The following MTUS2 variants were observed in gnomAD, a reference collection of about 807,000 sequenced individuals.
MTUS2 encodes microtubule associated scaffold protein 2.
Under a neutral mutation model 114.1 loss-of-function variants are expected in MTUS2, and 40 were observed. The ratio of observed to expected loss-of-function variants is 0.35; its 90% CI spans 0.27 to 0.46. The LOEUF is 0.46. Among genes scored for constraint, MTUS2 ranks in the 20% least tolerant of loss-of-function variants. The probability of loss-of-function intolerance (pLI) is 1.00; values close to 1 mark genes in which losing one functional copy is unlikely to be tolerated. For synonymous variants in MTUS2, 688 were observed against 672.0 expected (o/e 1.02, Z -0.37); for missense variants, 1,679 against 1,705.4 (o/e 0.98, Z 0.27).
At chr13:29,172,149 T>C (rs1893589861) in intron 5 of MTUS2, among the ~76,000 whole-genome samples, 1 of 152,232 alleles carries the variant, frequency 6.6e-6, no homozygotes. Flanking sequence ...TGTAGGAGTC[T>C]ATGTCTGGAA....
At chr13:28,873,414 T>A (rs58351038) in intron 2 of MTUS2, among the ~76,000 whole-genome samples, 9,700 of 152,246 alleles carry the variant, frequency 0.064, 1,012 homozygotes, top group African/African-American at 0.22. Flanking sequence ...CTAAGTCAAG[T>A]CCTCTTGTAA....
chr13:29,153,532 C>G (rs1247300091), intron 5 of MTUS2, among the ~76,000 whole-genome samples: 1 of 152,090 alleles, frequency 6.6e-6, no homozygotes, highest in Admixed American at 6.6e-5. Flanking sequence ...ATGATTCTTT[C>G]CCATTGTGTG....
At chr13:28,848,843 G>A (rs555794965) in intron 2 of MTUS2, among the ~76,000 whole-genome samples, 2 of 152,198 alleles carry the variant, frequency 1.3e-5, no homozygotes, top group South Asian at 4.2e-4. Context: ...CATAACTGGG[G>A]ACACTGTGCC....
At chr13:28,928,540 A>G (rs1881448919) in intron 2 of MTUS2, among the ~76,000 whole-genome samples, 1 of 152,212 alleles carries the variant, frequency 6.6e-6, no homozygotes, top group Non-Finnish European at 1.5e-5. Flanking sequence ...TGCAAATCGA[A>G]ACCCCAATGA....
chr13:29,504,122 T>A lies in MTUS2; in HGVS notation c.*916T>A. 4.3e-6 allele frequency: 1 copy of A among 231,796 alleles called. No individual in the cohort carries two copies. The allele number at this position is 231,796 out of a possible 1,614,324, so 14.4% of individuals were successfully genotyped here. On this transcript the variant is annotated 3_prime_UTR_variant, in exon 16 of 16. Transcript: ENST00000612955. ...GCAGAGCATGACCTTTGAGTAAGAG[T>A]GAGGATGACCTTGCAGATGACTGTG...
chr13:29,276,666 G>A (rs1255661368), intron 5 of MTUS2, among the ~76,000 whole-genome samples: 2 of 152,182 alleles, frequency 1.3e-5, no homozygotes, highest in Non-Finnish European at 2.9e-5. Flanking sequence ...GGGAGGCCGA[G>A]GTGGGTGGAT....
At chr13:29,094,309 TA>T (rs1296864458) in intron 4 of MTUS2, among the ~76,000 whole-genome samples, 1 of 151,024 alleles carries the variant, frequency 6.6e-6, no homozygotes, top group Non-Finnish European at 1.5e-5. Context: ...TAGAATTCAC[TA>T]ATGACATCTG....
chr13:29,499,360 C>G (rs1882746079), intron 14 of MTUS2, among the ~76,000 whole-genome samples: 1 of 152,186 alleles, frequency 6.6e-6, no homozygotes, highest in South Asian at 2.1e-4. Flanking sequence ...GGAGGAGAAG[C>G]CTCCTTCCAA....
At chr13:29,436,275 G>A (rs780778450) in intron 8 of MTUS2, among the ~76,000 whole-genome samples, 8 of 152,212 alleles carry the variant, frequency 5.3e-5, no homozygotes, top group Non-Finnish European at 1.2e-4. Flanking sequence ...GATGAAGAGT[G>A]TGGACGATGG....
chr13:29,329,414 G>A (rs7325936), intron 7 of MTUS2, among the ~76,000 whole-genome samples: 6 of 152,050 alleles, frequency 3.9e-5, no homozygotes, highest in African/African-American at 1.4e-4. Flanking sequence ...TCCTGTGTAA[G>A]TGTGCTGAGA....
At chr13:29,187,815 T>C (rs1005493127) in intron 5 of MTUS2, among the ~76,000 whole-genome samples, 3 of 152,186 alleles carry the variant, frequency 2.0e-5, no homozygotes, top group Admixed American at 2.0e-4. Flanking sequence ...TCCAGACAGC[T>C]TCCTCACTGC....
At chr13:29,412,385 A>G (rs1875314463) in intron 8 of MTUS2, among the ~76,000 whole-genome samples, 1 of 152,226 alleles carries the variant, frequency 6.6e-6, no homozygotes, top group South Asian at 2.1e-4. Flanking sequence ...TGGTTTTCTA[A>G]TATGGAACCA....
intron 8 of MTUS2, among the ~76,000 whole-genome samples, chr13:29,404,584 A>G (rs1874614561): frequency 6.6e-6 from 1 of 152,178 alleles, no homozygotes; most frequent in Admixed American, 6.5e-5. Flanking sequence ...TTAGAGCCAC[A>G]GGTGGATTTG....
chr13:29,159,279 A>T (rs768473224), intron 5 of MTUS2, among the ~76,000 whole-genome samples: 2 of 152,190 alleles, frequency 1.3e-5, no homozygotes, highest in Non-Finnish European at 2.9e-5. Flanking sequence ...TTTTATAAAA[A>T]GTTTTGGACT....
intron 2 of MTUS2, among the ~76,000 whole-genome samples, chr13:28,970,941 G>T (rs1024522962): frequency 6.6e-6 from 1 of 152,192 alleles, no homozygotes; most frequent in South Asian, 2.1e-4. Context: ...GCATCCACGT[G>T]GTATTTTATC....
intron 2 of MTUS2, among the ~76,000 whole-genome samples, chr13:28,928,213 G>A (rs4002257): frequency 0.02 from 2,974 of 151,932 alleles, 83 homozygotes; most frequent in African/African-American, 0.063. Context: ...TTTTGTGTAA[G>A]ACATCAAAAG....
Position 28,827,072 on chromosome 13 carries a change from A to G in MTUS2, c.-316+6461A>G, listed in dbSNP as rs149863458. 2.9e-3 allele frequency among the ~76,000 whole-genome samples: 442 copies of G among 152,370 alleles called. 4 individuals are homozygous for G. The highest frequency in any genetic ancestry group is 9.8e-3 in the African/African-American group (406 of 41,582). On this transcript the variant is annotated intron_variant, in intron 1 of 15. Coordinates refer to ENST00000612955, the MANE Select transcript of MTUS2 (RefSeq NM_001033602.4). ...GTTCTCAGGTTGGAAATGTTGCCAC[A>G]TATTAAGCCAAACACATTTTTTTGC...
At chr13:28,824,686 A>C (rs1182232249) in intron 1 of MTUS2, among the ~76,000 whole-genome samples, 5 of 150,578 alleles carry the variant, frequency 3.3e-5, no homozygotes, top group Non-Finnish European at 7.4e-5. Flanking sequence ...TTTTTTTTAA[A>C]CACCATCCAA....
rs1259832201 is a variant in MTUS2 at position 29,503,455 on chromosome 13, T to C, written c.*249T>C. The C allele has an allele frequency of 1.7e-6, 1 of 581,476 alleles. No homozygotes were observed. Among genetic ancestry groups the C allele is most frequent in the African/African-American group, 1.9e-5 (1 of 53,620 alleles). The allele number at this position is 581,476 out of a possible 1,614,324, so 36.0% of individuals were successfully genotyped here. A position where few individuals can be genotyped will look rare whatever the true frequency, so the allele number is the denominator to read the frequency against. On this transcript the variant is annotated 3_prime_UTR_variant, in exon 16 of 16. Coordinates refer to ENST00000612955, the MANE Select transcript of MTUS2 (RefSeq NM_001033602.4). ...AGAGCCAAAAGAAAGACACTTGCAA[T>C]TGTTCTTGAGCAATGAACTTTCACT...
Sources: allele counts gnomAD v4.1 joint callset (sites outside exome capture counted in the v4.1 genomes callset), GRCh38; gene constraint gnomAD v4.1.1; transcripts MANE v1.5; gene names NCBI Gene and HGNC (gene_info 2026-07-23, HGNC 2026-07-21).